SYT7: variants seen among roughly 807,000 people sequenced by gnomAD.
SYT7 encodes the protein synaptotagmin 7, also known as synaptotagmin-7.
In SYT7, 29 loss-of-function variants were observed where a neutral mutation model predicts 75.1. The observed-to-expected ratio is 0.39, with a 90% CI of 0.29 to 0.53. The LOEUF is 0.53. SYT7 is among the 20% of genes least tolerant of loss of function. The pLI is 0.77. For synonymous variants in SYT7, 376 were observed against 401.7 expected, an observed-to-expected ratio of 0.94 and a Z score of 0.76; for missense variants, 693 against 953.2, an observed-to-expected ratio of 0.73 and a Z score of 3.59.
chr11:61,533,413 C>A, intron 7 of SYT7: 2 of 985,408 alleles, frequency 2.0e-6, no homozygotes. Context: ...AACCCCCCAC[C>A]CTCCAGTCAT....
intron 1 of SYT7, among the ~76,000 whole-genome samples, chr11:61,567,946 CAGACCTGGGGCAGGCA>C (rs1273146085): frequency 6.6e-6 from 1 of 152,252 alleles, no homozygotes; most frequent in African/African-American, 2.4e-5. Context: ...CCCAGCTGGC[CAGACCTGGGGCAGGCA>C]AAACTTCCTG....
chr11:61,521,712 C>T (rs936335992), intron 12 of SYT7, among the ~76,000 whole-genome samples: 3 of 152,226 alleles, frequency 2.0e-5, no homozygotes, highest in Non-Finnish European at 4.4e-5. Flanking sequence ...CTTTCCCCCA[C>T]ACAGGATAAT....
At chr11:61,534,461 GTGCA>G (rs2062810161) in intron 7 of SYT7, among the ~76,000 whole-genome samples, 3 of 150,428 alleles carry the variant, frequency 2.0e-5, no homozygotes, top group Non-Finnish European at 4.4e-5. Flanking sequence ...ACGCACGTGC[GTGCA>G]TATGTACACA....
At chr11:61,527,705 G>A (rs781177676) in intron 9 of SYT7, among the ~76,000 whole-genome samples, 17 of 152,250 alleles carry the variant, frequency 1.1e-4, no homozygotes, top group Admixed American at 3.3e-4. Context: ...CTGTGTGGGC[G>A]TGTGCGAGAG....
rs2062209162 is a variant in SYT7, at chr11:61,518,582, A to C, written c.*45T>G. On this transcript the variant is annotated 3_prime_UTR_variant, in exon 13 of 13. Transcript: ENST00000539008. ...TTGTGCATAAAGTGGTGAGGGCATG[A>C]TGGGGACCTGGGCCCTCGGCCCCCT... 2.1e-6 allele frequency: 3 copies of C among 1,407,136 alleles called. No homozygotes were observed. Among genetic ancestry groups the C allele is most frequent in the South Asian group, 2.7e-5 (2 of 74,898 alleles). 87.2% of individuals were successfully genotyped at this position (1,407,136 alleles called of 1,614,324 possible). A position where few individuals can be genotyped will look rare whatever the true frequency, so the allele number is the denominator to read the frequency against.
Position 61,518,619 on chromosome 11 carries a change from G to C in SYT7, c.*8C>G, listed in dbSNP as rs558621458. The C allele has an allele frequency of 5.2e-6, 8 of 1,538,756 alleles. No individual in the cohort carries two copies. The Admixed American group carries it at 1.4e-4, about 27-fold the overall frequency. ...GCCCTCGGCCCCCTGGGCCTCCCTT[G>C]GCCCCACTCAGGCCTTCAGCTGGTG... On this transcript the variant is annotated 3_prime_UTR_variant, in exon 13 of 13. Coordinates refer to ENST00000539008, the MANE Select transcript of SYT7 (RefSeq NM_001365809.2).
chr11:61,543,079 A>C (rs1565184904), intron 5 of SYT7, among the ~76,000 whole-genome samples: 1 of 152,238 alleles, frequency 6.6e-6, no homozygotes, highest in Non-Finnish European at 1.5e-5. Flanking sequence ...AGGCCAGTGC[A>C]GAGCTGGCCT....
chr11:61,558,532 ACAC>A (rs1565199501), intron 1 of SYT7, among the ~76,000 whole-genome samples: 15 of 149,584 alleles, frequency 1.0e-4, no homozygotes, highest in African/African-American at 3.8e-4. Context: ...ACACACACAC[ACAC>A]ATATATATAT....
chr11:61,550,358 G>A (rs531470567), intron 3 of SYT7, among the ~76,000 whole-genome samples: 1 of 152,238 alleles, frequency 6.6e-6, no homozygotes, highest in East Asian at 1.9e-4. Context: ...AAGAGAAGGT[G>A]GAGAAATAGG....
chr11:61,553,544 C>T lies in SYT7; in HGVS notation c.136-2081G>A, dbSNP rs111992927. On this transcript the variant is annotated intron_variant, in intron 2 of 12. Coordinates refer to ENST00000539008, the MANE Select transcript of SYT7 (RefSeq NM_001365809.2). The surrounding 1 kb of genome is among the most constrained non-coding windows in gnomAD (Gnocchi z 5.2). ...TCTGCCCCTTCTCCTTCCCCAACTC[C>T]GAGAACCTTCCCCTCTGGCTTCGAC... Among the ~76,000 whole-genome samples the T allele has an allele frequency of 0.015, 2,236 of 152,322 alleles. 49 individuals are homozygous for T. Among genetic ancestry groups the T allele is most frequent in the African/African-American group, 0.049 (2,053 of 41,576 alleles).
chr11:61,572,949 A>T (rs905094196), intron 1 of SYT7, among the ~76,000 whole-genome samples: 1 of 152,348 alleles, frequency 6.6e-6, no homozygotes, highest in Non-Finnish European at 1.5e-5. Flanking sequence ...GCCAACATGC[A>T]TGTGTGCTGC....
At chr11:61,547,717 T>C (rs1285979308) in intron 3 of SYT7, among the ~76,000 whole-genome samples, 2 of 151,032 alleles carry the variant, frequency 1.3e-5, no homozygotes, top group Non-Finnish European at 3.0e-5. Flanking sequence ...AGAAGGAGAG[T>C]GCTGGTTTCT....
upstream of SYT7, among the ~76,000 whole-genome samples, chr11:61,583,787 T>C (rs1330418572): frequency 6.6e-6 from 1 of 152,242 alleles, no homozygotes; most frequent in African/African-American, 2.4e-5. Flanking sequence ...TGAGATATAG[T>C]TGTGCAAACT....
Position 61,524,087 on chromosome 11 carries a change from T to A in SYT7, c.1642-146A>T. 1.2e-6 allele frequency: 1 copy of A among 807,128 alleles called. No individual in the cohort carries two copies. The highest frequency in any genetic ancestry group is 2.0e-6 in the Non-Finnish European group (1 of 498,586). 50.0% of individuals were successfully genotyped at this position (807,128 alleles called of 1,614,324 possible). A position where few individuals can be genotyped will look rare whatever the true frequency, so the allele number is the denominator to read the frequency against. Reference sequence around the variant, plus strand: ...CTCTGTCTCACTCTGTCTCCCCCCATCTGGCAGGTGTGTGTACTGCCCCTC... The same window carrying A: ...CTCTGTCTCACTCTGTCTCCCCCCAACTGGCAGGTGTGTGTACTGCCCCTC... On this transcript the variant is annotated intron_variant, in intron 10 of 12. Transcript: ENST00000539008. The surrounding 1 kb of genome is among the most constrained non-coding windows in gnomAD (Gnocchi z 4.1).
rs2135246722 is a variant in SYT7, at chr11:61,542,936, G to A, written c.573-357C>T. ...GAAGGCAGGTCCCCTGGGCCCTGCA[G>A]CTGCCTGTCATGTTGGAGTGGGAGG... On this transcript the variant is annotated intron_variant, in intron 5 of 12. Transcript: ENST00000539008. The surrounding 1 kb of genome is among the most constrained non-coding windows in gnomAD (Gnocchi z 7.8). Among the ~76,000 whole-genome samples the A allele has an allele frequency of 6.6e-6, 1 of 152,360 alleles. No individual in the cohort carries two copies. The highest frequency in any genetic ancestry group is 1.5e-5 in the Non-Finnish European group (1 of 68,030).
In SYT7 at chr11:61,580,979, G is replaced by A. The variant is rs1430175895; in HGVS notation, c.-159C>T. On this transcript the variant is annotated 5_prime_UTR_variant, in exon 1 of 13. Transcript: ENST00000539008. This position sits in a 1 kb window ranked among gnomAD's most constrained non-coding sequence, Gnocchi z 6.1. ...ACCTAGCCGCGGAGCCGGGGAGCGG[G>A]GGCCGCCCGCCAGCCCTCCCGCCCG... is the stretch of plus-strand genomic sequence containing the variant. 1.0e-6 allele frequency: 1 copy of A among 978,236 alleles called. No homozygotes were observed. The highest frequency in any genetic ancestry group is 1.2e-6 in the Non-Finnish European group (1 of 825,174). The allele number at this position is 978,236 out of a possible 1,614,324, so 60.6% of individuals were successfully genotyped here.
At chr11:61,521,864 A>G (rs1269070783) in intron 12 of SYT7, among the ~76,000 whole-genome samples, 4 of 152,188 alleles carry the variant, frequency 2.6e-5, no homozygotes, top group Admixed American at 1.3e-4. Context: ...ACTAGCTAAC[A>G]TATGTTCCAA....
At chr11:61,571,433 G>A (rs749774034) in intron 1 of SYT7, among the ~76,000 whole-genome samples, 5 of 152,200 alleles carry the variant, frequency 3.3e-5, no homozygotes, top group East Asian at 1.9e-4. Context: ...ACATATACAC[G>A]TGTTCCCGTC....
intron 12 of SYT7, among the ~76,000 whole-genome samples, chr11:61,521,949 C>G (rs1391998594): frequency 6.6e-6 from 1 of 152,234 alleles, no homozygotes; most frequent in Non-Finnish European, 1.5e-5. Flanking sequence ...GACCATCCCA[C>G]TCTCATTTTG....
Sources: gnomAD v4.1 joint callset for allele counts (sites outside exome capture counted in the v4.1 genomes callset) on GRCh38, gnomAD v4.1.1 for gene constraint, Gnocchi (gnomAD v3.1) non-coding constraint, MANE v1.5 for transcripts, NCBI Gene and HGNC (gene_info 2026-07-23, HGNC 2026-07-21) for gene names.